OVAAL: variants seen among roughly 807,000 people sequenced by gnomAD.
OVAAL encodes ovarian adenocarcinoma amplified long non-coding RNA.
chr1:180,564,089 ATTAG>A, intron 2 of OVAAL, among the ~76,000 whole-genome samples: 1 of 152,274 alleles, frequency 6.6e-6, no homozygotes, highest in East Asian at 1.9e-4. Context: ...GGGGGGCACT[ATTAG>A]TTATGTTGGC....
chr1:180,566,217 G>A (rs1028201599), exon 3 of OVAAL: 8 of 152,164 alleles, frequency 5.3e-5, no homozygotes, highest in Admixed American at 3.9e-4. Context: ...GAACGTCTTC[G>A]GCTCCTAGAA....
chr1:180,565,073 G>T (rs899087214), intron 2 of OVAAL, among the ~76,000 whole-genome samples: 1 of 152,158 alleles, frequency 6.6e-6, no homozygotes, highest in Non-Finnish European at 1.5e-5. Flanking sequence ...TGTTAAAATG[G>T]CGGCATGGAT....
chr1:180,562,320 G>A (rs1229500065), exon 2 of OVAAL: 1 of 152,234 alleles, frequency 6.6e-6, no homozygotes, highest in Non-Finnish European at 1.5e-5. Flanking sequence ...CAAGAACTGT[G>A]ACTATATGTG....
At chr1:180,563,927 A>G (rs750717365) in intron 2 of OVAAL, among the ~76,000 whole-genome samples, 2 of 152,054 alleles carry the variant, frequency 1.3e-5, no homozygotes, top group Admixed American at 6.6e-5. Flanking sequence ...GAGACAGTTA[A>G]CAATGGCCTG....
chr1:180,559,183 A>T (rs949272581), intron 1 of OVAAL: 4 of 152,848 alleles, frequency 2.6e-5, no homozygotes, highest in African/African-American at 9.6e-5. Flanking sequence ...TACCCCAAAA[A>T]GTGAAAGCAA....
intron 1 of OVAAL, among the ~76,000 whole-genome samples, chr1:180,559,245 A>G (rs4651070): frequency 0.76 from 115,374 of 152,054 alleles, 43,873 homozygotes; most frequent in East Asian, 0.94. Flanking sequence ...GGGCTCAGAA[A>G]AAGACGGGAA....
chr1:180,564,590 C>T (rs903627575), intron 2 of OVAAL, among the ~76,000 whole-genome samples: 2 of 152,148 alleles, frequency 1.3e-5, no homozygotes, highest in African/African-American at 2.4e-5. Context: ...GGACCAGTCA[C>T]CTGAGCCACT....
At chr1:180,563,825 C>T (rs1458410737) in intron 2 of OVAAL, among the ~76,000 whole-genome samples, 1 of 152,126 alleles carries the variant, frequency 6.6e-6, no homozygotes, top group African/African-American at 2.4e-5. Flanking sequence ...GGGATCTTAT[C>T]AGGAAGCTGA....
intron 1 of OVAAL, among the ~76,000 whole-genome samples, chr1:180,561,962 G>A (rs1653213343): frequency 2.6e-5 from 4 of 151,722 alleles, no homozygotes. Context: ...TGCTGAGGTT[G>A]CAGTGAGCTG....
At chr1:180,563,523 C>T (rs1239885154) in intron 2 of OVAAL, among the ~76,000 whole-genome samples, 1 of 152,088 alleles carries the variant, frequency 6.6e-6, no homozygotes, top group Non-Finnish European at 1.5e-5. Context: ...TAGAAGAGGT[C>T]CAAGTGGGCG....
At chr1:180,565,736 A>G (rs1349661110) in exon 3 of OVAAL, 1 of 152,216 alleles carries the variant, frequency 6.6e-6, no homozygotes, top group Non-Finnish European at 1.5e-5. Flanking sequence ...ATACTATGCT[A>G]TATGCCGAGT....
At chr1:180,563,100 C>T (rs1653236039) in intron 2 of OVAAL, among the ~76,000 whole-genome samples, 1 of 152,196 alleles carries the variant, frequency 6.6e-6, no homozygotes, top group Admixed American at 6.5e-5. Context: ...GAGCTACTCC[C>T]AGCAGGGTTC....
intron 1 of OVAAL, chr1:180,559,041 C>T (rs114884529): frequency 0.017 from 2,689 of 154,122 alleles, 33 homozygotes; most frequent in South Asian, 0.038. Flanking sequence ...GAGGCCTCCC[C>T]AGCCACGTGG....
At chr1:180,563,585 C>G (rs1427921056) in intron 2 of OVAAL, among the ~76,000 whole-genome samples, 1 of 152,156 alleles carries the variant, frequency 6.6e-6, no homozygotes, top group Non-Finnish European at 1.5e-5. Context: ...TGGCATACTT[C>G]TGGGGTCTTC....
At chr1:180,561,217 C>T (rs907453114) in intron 1 of OVAAL, among the ~76,000 whole-genome samples, 8 of 152,094 alleles carry the variant, frequency 5.3e-5, no homozygotes, top group African/African-American at 1.9e-4. Context: ...AAGGGTTGCT[C>T]GAAGGCATTT....
chr1:180,562,414 C>G (rs1653220181), intron 2 of OVAAL: 2 of 152,086 alleles, frequency 1.3e-5, no homozygotes, highest in Admixed American at 6.6e-5. Flanking sequence ...ATGTTTATCC[C>G]AGTTAAGTGA....
At chr1:180,559,623 C>G (rs1420547376) in intron 1 of OVAAL, among the ~76,000 whole-genome samples, 1 of 151,986 alleles carries the variant, frequency 6.6e-6, no homozygotes, top group Non-Finnish European at 1.5e-5. Flanking sequence ...AAAAGAAAAA[C>G]CCGGCCGGGC....
At chr1:180,563,970 T>A (rs113649666) in intron 2 of OVAAL, among the ~76,000 whole-genome samples, 12 of 152,124 alleles carry the variant, frequency 7.9e-5, no homozygotes, top group African/African-American at 2.7e-4. Flanking sequence ...ACTTTCCCGG[T>A]GGGGTGTGGG....
intron 2 of OVAAL, among the ~76,000 whole-genome samples, chr1:180,563,274 A>G (rs1653238043): frequency 6.6e-6 from 1 of 152,188 alleles, no homozygotes; most frequent in East Asian, 1.9e-4. Context: ...AGGCTTCCAC[A>G]AAGAAAACCA....
Sources: gnomAD v4.1 joint callset for allele counts (sites outside exome capture counted in the v4.1 genomes callset) on GRCh38, gnomAD v4.1.1 for gene constraint, MANE v1.5 for transcripts, NCBI Gene and HGNC (gene_info 2026-07-23, HGNC 2026-07-21) for gene names.